Variants in SLC71A2 observed in about 807,000 individuals in gnomAD.
The protein encoded by SLC71A2 is hippocampus abundant transcript-like 1.
At chr9:94,396,372 A>G in the SLC71A2 span, among the ~76,000 whole-genome samples, 1 of 152,108 alleles carries the variant, frequency 6.6e-6, no homozygotes, top group Non-Finnish European at 1.5e-5. Context: ...AAAATTAGCC[A>G]GCTGTGGTGG....
chr9:94,441,445 A>T, the SLC71A2 span, among the ~76,000 whole-genome samples: 1 of 152,214 alleles, frequency 6.6e-6, no homozygotes, highest in Non-Finnish European at 1.5e-5. Context: ...GAACTCACTT[A>T]CTATTAACAA....
the SLC71A2 span, among the ~76,000 whole-genome samples, chr9:94,375,522 G>A: frequency 6.6e-6 from 1 of 152,084 alleles, no homozygotes; most frequent in Non-Finnish European, 1.5e-5. Context: ...TAACTGGCCT[G>A]GTTTCGGCAG....
the SLC71A2 span, among the ~76,000 whole-genome samples, chr9:94,405,558 C>T: frequency 3.3e-5 from 5 of 151,402 alleles, no homozygotes; most frequent in Admixed American, 6.6e-5. Context: ...GACTTGAACT[C>T]CTGGGCTCAA....
At chr9:94,438,216 G>C in the SLC71A2 span, among the ~76,000 whole-genome samples, 7 of 152,160 alleles carry the variant, frequency 4.6e-5, no homozygotes, top group Non-Finnish European at 8.8e-5. Flanking sequence ...GGGATTACAG[G>C]CATGAGCCAC....
the SLC71A2 span, among the ~76,000 whole-genome samples, chr9:94,450,507 T>TTTTTTTTTTTTTTTTTTTTTTTTTTTC: frequency 1.6e-4 from 22 of 137,304 alleles, 1 homozygote; most frequent in Non-Finnish European, 3.1e-4. Flanking sequence ...TTTTTTTTTT[T>TTTTTTTTTTTTTTTTTTTTTTTTTTTC]GAGATGGAGT....
the SLC71A2 span, among the ~76,000 whole-genome samples, chr9:94,379,103 T>TTTTTTTTTTTTTTG: frequency 7.0e-6 from 1 of 142,338 alleles, no homozygotes; most frequent in African/African-American, 2.7e-5. Flanking sequence ...TTTTTTTTTT[T>TTTTTTTTTTTTTTG]GAGACGGAGT....
the SLC71A2 span, among the ~76,000 whole-genome samples, chr9:94,401,339 T>A: frequency 6.6e-6 from 1 of 151,946 alleles, no homozygotes; most frequent in East Asian, 1.9e-4. Context: ...AACCAGCAAA[T>A]TTTTTTGTAT....
the SLC71A2 span, among the ~76,000 whole-genome samples, chr9:94,384,552 G>T: frequency 1.3e-5 from 2 of 152,112 alleles, no homozygotes; most frequent in East Asian, 3.9e-4. Flanking sequence ...GTTACCCAGG[G>T]TGGTCTCAAA....
the SLC71A2 span, among the ~76,000 whole-genome samples, chr9:94,406,381 A>G: frequency 1.3e-5 from 2 of 152,096 alleles, no homozygotes; most frequent in Non-Finnish European, 2.9e-5. Flanking sequence ...CTGGGATTAC[A>G]GGCAGGCACC....
At chr9:94,411,405 CTCTG>C in the SLC71A2 span, among the ~76,000 whole-genome samples, 4 of 149,698 alleles carry the variant, frequency 2.7e-5, no homozygotes, top group African/African-American at 4.9e-5. Context: ...GGCAAATGAT[CTCTG>C]TCTGTGATGT....
the SLC71A2 span, among the ~76,000 whole-genome samples, chr9:94,444,616 A>AC: frequency 6.6e-6 from 1 of 152,224 alleles, no homozygotes; most frequent in Admixed American, 6.5e-5. Flanking sequence ...GTTAAAGAAG[A>AC]CCAAAGAGCT....
the SLC71A2 span, among the ~76,000 whole-genome samples, chr9:94,388,454 G>A: frequency 6.6e-6 from 1 of 152,306 alleles, no homozygotes; most frequent in Admixed American, 6.5e-5. Context: ...AGGTATATTT[G>A]TAAGATATGT....
the SLC71A2 span, among the ~76,000 whole-genome samples, chr9:94,396,313 TG>T: frequency 6.6e-6 from 1 of 151,928 alleles, no homozygotes; most frequent in East Asian, 1.9e-4. Flanking sequence ...CTCAGGAGTT[TG>T]AGACCAGCCT....
chr9:94,439,667 G>A, the SLC71A2 span, among the ~76,000 whole-genome samples: 1 of 151,600 alleles, frequency 6.6e-6, no homozygotes, highest in Non-Finnish European at 1.5e-5. Context: ...TCTACGAGTT[G>A]AAGAATTTTT....
At chr9:94,380,313 T>G in the SLC71A2 span, among the ~76,000 whole-genome samples, 1 of 150,866 alleles carries the variant, frequency 6.6e-6, no homozygotes, top group African/African-American at 2.4e-5. Context: ...ATGTGTTCTC[T>G]CTTCCCCTTT....
At chr9:94,427,340 A>G in the SLC71A2 span, among the ~76,000 whole-genome samples, 1 of 152,114 alleles carries the variant, frequency 6.6e-6, no homozygotes, top group African/African-American at 2.4e-5. Flanking sequence ...GCATGGATTG[A>G]ACATTTTTAG....
the SLC71A2 span, chr9:94,429,372 C>G: frequency 2.1e-6 from 3 of 1,439,624 alleles, no homozygotes; most frequent in Non-Finnish European, 2.8e-6. Flanking sequence ...AGGCTGAAAT[C>G]TAAATTTTTA....
chr9:94,392,106 G>T, the SLC71A2 span, among the ~76,000 whole-genome samples: 1 of 151,556 alleles, frequency 6.6e-6, no homozygotes, highest in Admixed American at 6.6e-5. Flanking sequence ...GATGTTGGAG[G>T]TAGAGACACT....
At chr9:94,431,312 C>CA in the SLC71A2 span, among the ~76,000 whole-genome samples, 135 of 101,242 alleles carry the variant, frequency 1.3e-3, 1 homozygote, top group South Asian at 4.8e-3. Context: ...GACTCCGTCT[C>CA]AAAAAAAAAA....
Sources: allele counts gnomAD v4.1 joint callset (sites outside exome capture counted in the v4.1 genomes callset), GRCh38; gene constraint gnomAD v4.1.1; transcripts MANE v1.5; gene names NCBI Gene and HGNC (gene_info 2026-07-23, HGNC 2026-07-21).